LRRTM4: variants seen among roughly 807,000 people sequenced by gnomAD.
The protein encoded by LRRTM4 is leucine rich repeat transmembrane neuronal 4.
LRRTM4 carries 25 observed loss-of-function variants against 47.6 expected under a neutral mutation model. That is an observed-to-expected ratio of 0.53 (90% CI 0.38 to 0.73). LRRTM4 has a LOEUF of 0.73. LRRTM4 is among the 30% of genes least tolerant of loss of function. The pLI is 0.00. For missense variants in LRRTM4, 638 were observed against 713.4 expected (o/e 0.89, Z 1.20); for synonymous variants, 311 against 269.5 (o/e 1.15, Z -1.51).
chr2:77,232,572 A>C (rs6761170), intron 3 of LRRTM4, among the ~76,000 whole-genome samples: 30,525 of 152,110 alleles, frequency 0.2, 5,939 homozygotes, highest in African/African-American at 0.5. Flanking sequence ...TTTAGACACA[A>C]AGGTTTACTT....
intron 3 of LRRTM4, among the ~76,000 whole-genome samples, chr2:76,844,505 TTC>T (rs1340244330): frequency 3.3e-5 from 5 of 152,308 alleles, no homozygotes; most frequent in East Asian, 1.9e-4. Flanking sequence ...GAGTCATCTT[TTC>T]TGTTTTTCAA....
At chr2:76,943,686 G>A (rs1360980595) in intron 3 of LRRTM4, among the ~76,000 whole-genome samples, 4 of 152,104 alleles carry the variant, frequency 2.6e-5, no homozygotes, top group Non-Finnish European at 4.4e-5. Context: ...ATACCCTGTA[G>A]GAGTCTAAAC....
At chr2:77,095,665 C>A (rs567354322) in intron 3 of LRRTM4, among the ~76,000 whole-genome samples, 1 of 151,888 alleles carries the variant, frequency 6.6e-6, no homozygotes, top group African/African-American at 2.4e-5. Context: ...TTAGCCACCA[C>A]GCCCGGCTAA....
At chr2:76,845,334 A>G (rs1671807714) in intron 3 of LRRTM4, among the ~76,000 whole-genome samples, 1 of 152,176 alleles carries the variant, frequency 6.6e-6, no homozygotes, top group Non-Finnish European at 1.5e-5. Flanking sequence ...CTACTAAAAA[A>G]TACAAAAATT....
intron 3 of LRRTM4, among the ~76,000 whole-genome samples, chr2:77,137,377 C>G (rs1455953147): frequency 1.3e-5 from 2 of 151,862 alleles, no homozygotes; most frequent in Non-Finnish European, 2.9e-5. Context: ...CCAAACTAAG[C>G]TTCGTAAGTG....
In LRRTM4 at chr2:77,519,621, C is replaced by T. The variant is rs190339575; in HGVS notation, c.248G>A (p.Gly83Asp). 1 of 1,613,406 alleles carries T rather than the reference C, an allele frequency of 6.2e-7. No homozygotes were observed. Among genetic ancestry groups the T allele is most frequent in the Admixed American group, 1.7e-5 (1 of 59,886 alleles). The change falls in exon 3 of 4, where the codon GGC (glycine) becomes GAC (aspartate). Residue 83 changes from glycine to aspartate, a missense_variant. Physicochemically the swap from Gly to Asp is moderately conservative, Grantham distance 94 (BLOSUM62 -1). Transcript: ENST00000409884. The surrounding 1 kb of genome is among the most constrained non-coding windows in gnomAD (Gnocchi z 4.6). ...ATAAAGCCATATAAGCTGGTTAAGGCCGGCAAACTGATTGGATTTGAGCTT... is the reference window on the plus strand; with the variant it reads ...ATAAAGCCATATAAGCTGGTTAAGGTCGGCAAACTGATTGGATTTGAGCTT... ...IQKLKSNQFA[G>D]LNQLIWLYLD...
chr2:77,134,570 A>T (rs1401780901), intron 3 of LRRTM4, among the ~76,000 whole-genome samples: 2 of 152,216 alleles, frequency 1.3e-5, no homozygotes, highest in African/African-American at 2.4e-5. Flanking sequence ...CAGTTTTCAC[A>T]TGACTATGTC....
intron 3 of LRRTM4, among the ~76,000 whole-genome samples, chr2:77,213,342 C>G (rs562864705): frequency 1.3e-5 from 2 of 152,222 alleles, no homozygotes; most frequent in East Asian, 1.9e-4. Flanking sequence ...TAATCGCAAC[C>G]AGCTCCTCTA....
rs374244906 is a variant in LRRTM4, at chr2:77,521,708, C to A, written c.-37G>T. 7.7e-4 allele frequency: 1,236 copies of A among 1,611,826 alleles called. 16 individuals are homozygous for A. In the South Asian group the frequency reaches 0.013, roughly 17 times the overall value. On this transcript the variant is annotated 5_prime_UTR_variant, in exon 2 of 4. Coordinates refer to ENST00000409884, the MANE Select transcript of LRRTM4 (RefSeq NM_001134745.3). ...CAAAAACGTTTCCCCCCTCTCTCAG[C>A]TTTCTTCTTATTTGGTCTCTTGTGC...
chr2:77,440,270 C>T (rs1169726254), intron 3 of LRRTM4, among the ~76,000 whole-genome samples: 3 of 151,984 alleles, frequency 2.0e-5, no homozygotes, highest in East Asian at 1.9e-4. Flanking sequence ...AAAAATTAGC[C>T]GGGCGTGGTG....
chr2:77,209,593 G>C (rs1674236673), intron 3 of LRRTM4, among the ~76,000 whole-genome samples: 1 of 152,136 alleles, frequency 6.6e-6, no homozygotes, highest in Non-Finnish European at 1.5e-5. Context: ...AAATTCATTT[G>C]TTGGAACACT....
intron 3 of LRRTM4, among the ~76,000 whole-genome samples, chr2:76,916,340 G>C (rs75374795): frequency 0.11 from 14,997 of 135,978 alleles, 1,243 homozygotes; most frequent in East Asian, 0.49. Flanking sequence ...AGCAGCGATC[G>C]TGCCACCGCA....
chr2:77,518,126 ATT>A lies in LRRTM4; in HGVS notation c.1551+190_1551+191del, dbSNP rs201541858. The A allele has an allele frequency of 1.3e-4, 165 of 1,262,404 alleles. No homozygotes were observed. The Middle Eastern group carries it at 2.1e-3, about 16-fold the overall frequency. 78.2% of individuals were successfully genotyped at this position (1,262,404 alleles called of 1,614,324 possible). On this transcript the variant is annotated intron_variant, in intron 3 of 3. Transcript: ENST00000409884. ...AATGAACTTCCTTCAAGTTTCAACC[ATT>A]TAAAAAAAAAAAAAAAGCAGTCAAT...
At chr2:76,884,091 C>T (rs1312716878) in intron 3 of LRRTM4, among the ~76,000 whole-genome samples, 3 of 151,770 alleles carry the variant, frequency 2.0e-5, no homozygotes, top group African/African-American at 7.3e-5. Flanking sequence ...AATTGTTGAA[C>T]CACCATGCCC....
Position 77,170,527 on chromosome 2 carries a change from A to T in LRRTM4, c.1551+347791T>A, listed in dbSNP as rs551658594. Among the ~76,000 whole-genome samples the T allele has an allele frequency of 3.9e-5, 6 of 152,276 alleles. No individual in the cohort carries two copies. In the East Asian group the frequency reaches 9.6e-4, roughly 24 times the overall value. On this transcript the variant is annotated intron_variant, in intron 3 of 3. Transcript: ENST00000409884. The stretch of plus-strand genomic sequence containing the variant: ...TGGGTGAGACTTCTCACCAATGGAG[A>T]TCTTAGATAATAAATATGTGTTGTA...
At chr2:77,051,879 A>G (rs1047775023) in intron 3 of LRRTM4, among the ~76,000 whole-genome samples, 2 of 152,186 alleles carry the variant, frequency 1.3e-5, no homozygotes, top group African/African-American at 4.8e-5. Context: ...CATCTATGTA[A>G]ATCAGCCATC....
chr2:77,226,837 G>C (rs1029901961), intron 3 of LRRTM4, among the ~76,000 whole-genome samples: 1 of 151,914 alleles, frequency 6.6e-6, no homozygotes, highest in African/African-American at 2.4e-5. Context: ...AAAATGTACT[G>C]ATAGTTGAGT....
intron 3 of LRRTM4, among the ~76,000 whole-genome samples, chr2:77,421,151 T>C (rs1674865499): frequency 1.3e-5 from 2 of 152,084 alleles, no homozygotes; most frequent in South Asian, 4.1e-4. Context: ...AACTAGTAGC[T>C]ATAGTGAATA....
chr2:77,477,240 A>T (rs1677437122), intron 3 of LRRTM4, among the ~76,000 whole-genome samples: 1 of 152,144 alleles, frequency 6.6e-6, no homozygotes, highest in African/African-American at 2.4e-5. Context: ...CATAGAAAGT[A>T]AAAGTACATA....
Sources: gnomAD v4.1 joint callset for allele counts (sites outside exome capture counted in the v4.1 genomes callset) on GRCh38, gnomAD v4.1.1 for gene constraint, Gnocchi (gnomAD v3.1) non-coding constraint, MANE v1.5 for transcripts, NCBI Gene and HGNC (gene_info 2026-07-23, HGNC 2026-07-21) for gene names.